The following EHMT1 variants were observed in gnomAD, a reference collection of about 807,000 sequenced individuals.
The protein encoded by EHMT1 is euchromatic histone lysine methyltransferase 1.
A neutral mutation model predicts 147.2 loss-of-function variants in EHMT1; 15 were observed. The ratio of observed to expected loss-of-function variants is 0.10; its 90% CI spans 0.07 to 0.16. The LOEUF (loss-of-function observed/expected upper bound fraction) is 0.16. EHMT1 is among the 10% of genes least tolerant of loss of function. The pLI is 1.00. For synonymous variants in EHMT1, 795 were observed against 709.6 expected (o/e 1.12, Z -1.91); for missense variants, 1,587 against 1,772.4 (o/e 0.90, Z 1.88).
intron 1 of EHMT1, among the ~76,000 whole-genome samples, chr9:137,636,896 C>CTTT (rs35700929): frequency 8.3e-6 from 1 of 120,980 alleles, no homozygotes; most frequent in East Asian, 2.3e-4. Context: ...CAGTTTCACT[C>CTTT]TTTTTTTTTT....
chr9:137,834,184 C>A, intron 25 of EHMT1, 165 bp from the exon 26 acceptor site: 1 of 882,876 alleles, frequency 1.1e-6, no homozygotes, highest in Non-Finnish European at 1.7e-6. Flanking sequence ...AGAAGGCTGG[C>A]GGAGGCTCCG....
intron 10 of EHMT1, among the ~76,000 whole-genome samples, chr9:137,769,013 T>A (rs890082085): frequency 2.6e-5 from 4 of 152,198 alleles, no homozygotes; most frequent in Admixed American, 6.5e-5. Flanking sequence ...GAATTTGAAT[T>A]TTTTATGATT....
At chr9:137,670,937 A>G (rs1274353510) in intron 1 of EHMT1, among the ~76,000 whole-genome samples, 1 of 151,578 alleles carries the variant, frequency 6.6e-6, no homozygotes, top group Non-Finnish European at 1.5e-5. Context: ...CTGTGGCCAC[A>G]CCCTCTGGCC....
At chr9:137,830,742 GT>G (rs1308897106) in intron 25 of EHMT1, among the ~76,000 whole-genome samples, 1 of 152,160 alleles carries the variant, frequency 6.6e-6, no homozygotes, top group African/African-American at 2.4e-5. Context: ...TTGATAGGCA[GT>G]TACATTAATT....
intron 1 of EHMT1, among the ~76,000 whole-genome samples, chr9:137,673,681 C>G (rs1221608800): frequency 6.6e-6 from 1 of 152,248 alleles, no homozygotes; most frequent in Admixed American, 6.5e-5. Context: ...CAGGGAGGCT[C>G]TGGCCGGGGC....
chr9:137,802,948 G>A (rs1280847335), intron 18 of EHMT1: 3 of 1,232,708 alleles, frequency 2.4e-6, no homozygotes, highest in Non-Finnish European at 3.0e-6. Context: ...AGGCTGTGGC[G>A]GGTACCTTGG....
intron 9 of EHMT1, among the ~76,000 whole-genome samples, chr9:137,759,170 A>C (rs1949615594): frequency 6.6e-6 from 1 of 151,918 alleles, no homozygotes; most frequent in African/African-American, 2.4e-5. Flanking sequence ...ACAACAACAA[A>C]AGAAATCTTA....
chr9:137,819,494 AGGCCG>A (rs1955208185), intron 25 of EHMT1, among the ~76,000 whole-genome samples: 1 of 466 alleles, frequency 2.1e-3, no homozygotes. Context: ...GACCGTAGAG[AGGCCG>A]ACTTAGGGGC....
intron 4 of EHMT1, among the ~76,000 whole-genome samples, chr9:137,740,849 C>T (rs895870879): frequency 1.3e-5 from 2 of 152,124 alleles, no homozygotes; most frequent in East Asian, 3.8e-4. Context: ...GTTTCCCAGG[C>T]TGGAGTGCAG....
rs555205119 is a variant in EHMT1, at chr9:137,742,137, T to C, written c.824-1234T>C. Among the ~76,000 whole-genome samples the C allele has an allele frequency of 2.0e-5, 3 of 152,268 alleles. No homozygotes were observed. The South Asian group carries it at 6.2e-4, about 32-fold the overall frequency. ...CGCCTGGTGTGATCGTTTCCCAGCG[T>C]CCGTGGTCCCAGGCACCTCCTTACT... is the stretch of plus-strand genomic sequence containing the variant. On this transcript the variant is annotated intron_variant, in intron 4 of 26. Coordinates refer to ENST00000460843, the MANE Select transcript of EHMT1 (RefSeq NM_024757.5).
At chr9:137,692,987 G>A (rs964343766) in intron 1 of EHMT1, among the ~76,000 whole-genome samples, 4 of 152,166 alleles carry the variant, frequency 2.6e-5, no homozygotes, top group South Asian at 4.1e-4. Context: ...TCGGCTGGAC[G>A]GCACCTCTGC....
intron 4 of EHMT1, 49 bp downstream of exon 4, chr9:137,728,578 G>A: frequency 6.2e-7 from 1 of 1,612,704 alleles, no homozygotes; most frequent in South Asian, 1.1e-5. Flanking sequence ...TATGTTTCGA[G>A]CCTGCCCCTT....
chr9:137,697,824 A>G (rs1465261500), intron 1 of EHMT1, among the ~76,000 whole-genome samples: 1 of 152,202 alleles, frequency 6.6e-6, no homozygotes, highest in Non-Finnish European at 1.5e-5. Flanking sequence ...CTCCCCGTTA[A>G]GTTTTCCGTT....
intron 1 of EHMT1, among the ~76,000 whole-genome samples, chr9:137,675,612 G>A (rs4559316): frequency 1.4e-4 from 19 of 136,784 alleles, no homozygotes; most frequent in Non-Finnish European, 3.0e-4. Flanking sequence ...TACAGGTGCC[G>A]GCCACCACGC....
intron 10 of EHMT1, 36 bp downstream of exon 10, chr9:137,762,856 G>A (rs1949936638): frequency 6.2e-7 from 1 of 1,612,460 alleles, no homozygotes; most frequent in Admixed American, 1.7e-5. Context: ...GCAGCCACGA[G>A]GAGTGAGTGA....
At chr9:137,633,232 T>G (rs1238830015) in intron 1 of EHMT1, among the ~76,000 whole-genome samples, 1 of 152,152 alleles carries the variant, frequency 6.6e-6, no homozygotes, top group African/African-American at 2.4e-5. Flanking sequence ...GCAGGCTGGA[T>G]AGTATTTCAG....
At chr9:137,765,680 G>GCCGC in intron 10 of EHMT1, among the ~76,000 whole-genome samples, 1 of 132,160 alleles carries the variant, frequency 7.6e-6, no homozygotes, top group East Asian at 2.3e-4. Flanking sequence ...CGCCCCCGCC[G>GCCGC]CCCCAGCCTG....
intron 8 of EHMT1, among the ~76,000 whole-genome samples, chr9:137,757,271 C>A (rs1208314437): frequency 2.0e-5 from 3 of 152,254 alleles, no homozygotes; most frequent in Non-Finnish European, 4.4e-5. Context: ...GGACACCGGT[C>A]CTTCTCACAG....
chr9:137,788,231 C>T (rs1952157102), intron 15 of EHMT1: 9 of 508,074 alleles, frequency 1.8e-5, no homozygotes, highest in East Asian at 9.2e-5. Flanking sequence ...GATGCTCCTC[C>T]CTGGAGTCCC....
Sources: gnomAD v4.1 joint callset for allele counts (sites outside exome capture counted in the v4.1 genomes callset) on GRCh38, gnomAD v4.1.1 for gene constraint, MANE v1.5 for transcripts, NCBI Gene and HGNC (gene_info 2026-07-23, HGNC 2026-07-21) for gene names.